Variants in KCNG2 observed in about 807,000 individuals in gnomAD.
The protein encoded by KCNG2 is voltage-gated potassium channel regulatory subunit KCNG2.
A neutral mutation model predicts 12.3 loss-of-function variants in KCNG2; 7 were observed. That is an observed-to-expected ratio of 0.57 (90% CI 0.32 to 1.07). The LOEUF (loss-of-function observed/expected upper bound fraction) is 1.07, where lower values mean the gene tolerates loss of function less well. KCNG2 is among the 50% of genes least tolerant of loss of function. The pLI is 0.04. For synonymous variants in KCNG2, 414 were observed against 351.4 expected (o/e 1.18, Z -1.99); for missense variants, 703 against 726.0 (o/e 0.97, Z 0.36).
chr18:79,836,943 A>G (rs1978332163), intron 1 of KCNG2, among the ~76,000 whole-genome samples: 1 of 152,156 alleles, frequency 6.6e-6, no homozygotes, highest in African/African-American at 2.4e-5. Context: ...TTTTAACACA[A>G]TCATGGCTTC....
In KCNG2 at chr18:79,893,899, A is replaced by G. The variant is rs978488235; in HGVS notation, c.625-5141A>G. ...TGATTGGGTTCTTCACTCCATTCGC[A>G]TCTAATGTTAACGATTAATATAGTT... On this transcript the variant is annotated intron_variant, in intron 3 of 3. Coordinates refer to ENST00000316249, the MANE Select transcript of KCNG2 (RefSeq NM_012283.2). Among the ~76,000 whole-genome samples, 3 of 149,994 alleles carry G rather than the reference A, an allele frequency of 2.0e-5. 1 individual carries two copies. Among genetic ancestry groups the G allele is most frequent in the Middle Eastern group, 7.1e-3 (2 of 280 alleles).
intron 1 of KCNG2, among the ~76,000 whole-genome samples, chr18:79,844,884 G>A (rs1978571375): frequency 6.6e-6 from 1 of 152,198 alleles, no homozygotes; most frequent in Non-Finnish European, 1.5e-5. Context: ...GTCAGTAAGG[G>A]GGAAAAGGAT....
At chr18:79,824,651 G>A (rs866436748) in intron 1 of KCNG2, among the ~76,000 whole-genome samples, 9 of 152,260 alleles carry the variant, frequency 5.9e-5, no homozygotes, top group Middle Eastern at 3.4e-3. Flanking sequence ...ACAGGCTGCC[G>A]GTGCTGGTGA....
chr18:79,898,727 GTTTGCTGTTTGC>G (rs1568276108), intron 3 of KCNG2, among the ~76,000 whole-genome samples: 2 of 152,242 alleles, frequency 1.3e-5, no homozygotes, highest in Non-Finnish European at 2.9e-5. Context: ...ATGTTTCTTC[GTTTGCTGTTTGC>G]TCTTAAGACC....
intron 1 of KCNG2, among the ~76,000 whole-genome samples, chr18:79,799,551 G>A (rs2087391467): frequency 6.6e-6 from 1 of 152,240 alleles, no homozygotes; most frequent in Non-Finnish European, 1.5e-5. Context: ...TGCTGTGTCC[G>A]CATCTTCCCT....
In KCNG2 at chr18:79,872,291, T is replaced by TTTG. The variant is rs1405049384; in HGVS notation, c.624+8002_624+8003insGTT. On this transcript the variant is annotated intron_variant, in intron 3 of 3. Transcript: ENST00000316249. ...GCTTCAAAGCTTCAGTTTTTTTTTTTTTTTTTTTTTTTGAGATGGAGTCTC... is the reference window on the plus strand; with the variant it reads ...GCTTCAAAGCTTCAGTTTTTTTTTTTTTGTTTTTTTTTTTTGAGATGGAGTCTC... Among the ~76,000 whole-genome samples, 196 of 135,672 alleles carry TTTG rather than the reference T, an allele frequency of 1.4e-3. 10 individuals carry two copies. Among genetic ancestry groups the TTTG allele is most frequent in the African/African-American group, 4.8e-3 (178 of 37,212 alleles). The allele number at this position is 135,672 out of a possible 152,430, so 89.0% of individuals were successfully genotyped here.
chr18:79,855,527 T>C (rs1978979045), intron 1 of KCNG2, among the ~76,000 whole-genome samples: 1 of 152,060 alleles, frequency 6.6e-6, no homozygotes, highest in Admixed American at 6.5e-5. Flanking sequence ...TTGTGCGTGA[T>C]CATGTCTTGG....
intron 2 of KCNG2, among the ~76,000 whole-genome samples, chr18:79,861,951 C>T (rs1979237310): frequency 6.6e-6 from 1 of 152,242 alleles, no homozygotes; most frequent in Admixed American, 6.5e-5. Context: ...TCAGCTATTA[C>T]ACTTTCAACA....
chr18:79,827,523 C>T (rs962357863), intron 1 of KCNG2, among the ~76,000 whole-genome samples: 2 of 152,152 alleles, frequency 1.3e-5, no homozygotes, highest in Non-Finnish European at 2.9e-5. Flanking sequence ...ATTTTTAGGA[C>T]CTCCAGCAGC....
At chr18:79,832,761 C>G (rs1978303256) in intron 1 of KCNG2, among the ~76,000 whole-genome samples, 1 of 152,224 alleles carries the variant, frequency 6.6e-6, no homozygotes, top group East Asian at 1.9e-4. Context: ...CAAGACTCCT[C>G]TTTGCACAGT....
chr18:79,864,201 C>G lies in KCNG2; in HGVS notation c.534C>G (p.Leu178=). 1 of 1,538,842 alleles carries G rather than the reference C, an allele frequency of 6.5e-7. No homozygotes were observed. Among genetic ancestry groups the G allele is most frequent in the Non-Finnish European group, 8.7e-7 (1 of 1,147,278 alleles). The change falls in exon 3 of 4, where the codon CTC becomes CTG. Residue 178 remains leucine (L), a synonymous_variant. Transcript: ENST00000316249. ...CGCACTCGGGGCTGGCGGGCAAGCT[C>G]TTCGCCTGCGTGTCCGTGTCCTTCG... The part of the protein sequence containing the change: ...DNPHSGLAGK[L]FACVSVSFVA...
intron 3 of KCNG2, among the ~76,000 whole-genome samples, chr18:79,888,464 CGCGGTGGGGCCGGG>C (rs1286133934): frequency 9.6e-5 from 11 of 114,644 alleles, no homozygotes; most frequent in Non-Finnish European, 2.0e-4. Flanking sequence ...CTCATGAGGC[CGCGGTGGGGCCGGG>C]ACGGCGGCGT....
chr18:79,849,623 GT>G (rs1978747715), intron 1 of KCNG2, among the ~76,000 whole-genome samples: 1 of 152,270 alleles, frequency 6.6e-6, no homozygotes, highest in African/African-American at 2.4e-5. Context: ...AGCTGTCGTG[GT>G]TTCTGAGGGC....
At chr18:79,869,733 AAC>A (rs1376363338) in intron 3 of KCNG2, among the ~76,000 whole-genome samples, 16 of 152,114 alleles carry the variant, frequency 1.1e-4, no homozygotes, top group African/African-American at 3.9e-4. Flanking sequence ...CCAAATCCTA[AAC>A]ATCTGTGGCC....
intron 1 of KCNG2, among the ~76,000 whole-genome samples, chr18:79,818,617 C>G (rs570414276): frequency 6.6e-6 from 1 of 152,142 alleles, no homozygotes; most frequent in African/African-American, 2.4e-5. Context: ...TATGACAGTC[C>G]CTCCCGCCAG....
At chr18:79,810,206 A>C (rs2122993926) in intron 1 of KCNG2, among the ~76,000 whole-genome samples, 1 of 152,322 alleles carries the variant, frequency 6.6e-6, no homozygotes, top group East Asian at 1.9e-4. Flanking sequence ...TCTAAAGGAA[A>C]AAAATCAGGT....
At chr18:79,853,054 C>T (rs7229265) in intron 1 of KCNG2, among the ~76,000 whole-genome samples, 137,835 of 152,252 alleles carry the variant, frequency 0.91, 64,043 homozygotes, top group East Asian at 1. Flanking sequence ...TCCCAGGCAG[C>T]CTGAGACCAT....
intron 1 of KCNG2, among the ~76,000 whole-genome samples, chr18:79,832,220 AC>A (rs1978300047): frequency 1.5e-5 from 2 of 134,936 alleles, no homozygotes; most frequent in Non-Finnish European, 3.2e-5. Flanking sequence ...GCCCTTCCTC[AC>A]CCCTCCTTCC....
At chr18:79,879,763 C>A (rs1175280756) in intron 3 of KCNG2, among the ~76,000 whole-genome samples, 1 of 152,108 alleles carries the variant, frequency 6.6e-6, no homozygotes, top group Admixed American at 6.5e-5. Context: ...GTGCACGAAT[C>A]CCCCAAGGCT....
Sources: allele counts gnomAD v4.1 joint callset (sites outside exome capture counted in the v4.1 genomes callset), GRCh38; gene constraint gnomAD v4.1.1; transcripts MANE v1.5; gene names NCBI Gene and HGNC (gene_info 2026-07-23, HGNC 2026-07-21).